The following MACF1 variants were observed in gnomAD, a reference collection of about 807,000 sequenced individuals.
MACF1 encodes microtubule-actin cross-linking factor 1.
MACF1 carries 193 observed loss-of-function variants against 854.8 expected under a neutral mutation model. That is an observed-to-expected ratio of 0.23 (90% CI 0.20 to 0.25). MACF1 has a LOEUF of 0.25. MACF1 is among the 10% of genes least tolerant of loss of function. MACF1 has a pLI of 1.00. For missense variants in MACF1, 7,722 were observed against 8,929.1 expected (o/e 0.86, Z 5.45); for synonymous variants, 3,185 against 3,226.7 (o/e 0.99, Z 0.44).
intron 80 of MACF1, among the ~76,000 whole-genome samples, chr1:39,446,998 A>G (rs968481975): frequency 2.6e-5 from 4 of 152,232 alleles, no homozygotes; most frequent in African/African-American, 9.6e-5. Flanking sequence ...TACATTGAAC[A>G]TCATCTTCAT....
intron 58 of MACF1, among the ~76,000 whole-genome samples, chr1:39,414,992 C>T (rs572414527): frequency 6.0e-4 from 91 of 152,182 alleles, no homozygotes; most frequent in Non-Finnish European, 1.8e-4. Context: ...AAATGAGATA[C>T]ATTTAAGGTA....
chr1:39,164,638 A>G (rs79263266), intron 2 of MACF1, among the ~76,000 whole-genome samples: 2,795 of 152,348 alleles, frequency 0.018, 28 homozygotes, highest in Middle Eastern at 0.051. Context: ...TAAGGGACCC[A>G]TTAATGTTGA....
Position 39,372,616 on chromosome 1 carries a change from A to G in MACF1, c.13213+20A>G. 3 of 1,494,578 alleles carry G rather than the reference A, an allele frequency of 2.0e-6. No individual in the cohort carries two copies. Among genetic ancestry groups the G allele is most frequent in the Non-Finnish European group, 1.9e-6 (2 of 1,073,744 alleles). The allele number at this position is 1,494,578 out of a possible 1,614,324, so 92.6% of individuals were successfully genotyped here. A position where few individuals can be genotyped will look rare whatever the true frequency, so the allele number is the denominator to read the frequency against. ...AGACAGGTGAGTACAGGCTCTTCAA[A>G]ATATAGTGAATAAAAATTGCTCTTT... On this transcript the variant is annotated intron_variant, in intron 52 of 100. Transcript: ENST00000564288.
intron 69 of MACF1, 42 bp downstream of exon 69, chr1:39,434,674 T>C: frequency 3.9e-6 from 6 of 1,554,422 alleles, no homozygotes; most frequent in Non-Finnish European, 5.3e-6. Flanking sequence ...TCTAAAATGG[T>C]CTCTATAATT....
intron 6 of MACF1, among the ~76,000 whole-genome samples, chr1:39,280,714 A>AC (rs1481726781): frequency 6.6e-6 from 1 of 152,118 alleles, no homozygotes; most frequent in Non-Finnish European, 1.5e-5. Flanking sequence ...AGTAGCTAGG[A>AC]CTACAGGTGC....
At chr1:39,364,287 T>C (rs752679888) in intron 49 of MACF1, among the ~76,000 whole-genome samples, 2 of 152,130 alleles carry the variant, frequency 1.3e-5, no homozygotes, top group African/African-American at 2.4e-5. Flanking sequence ...TATTTTTACA[T>C]TTAAGAGTCA....
At chr1:39,163,340 CAAAAAA>C (rs11371076) in intron 2 of MACF1, among the ~76,000 whole-genome samples, 5 of 80,356 alleles carry the variant, frequency 6.2e-5, no homozygotes, top group African/African-American at 1.7e-4. Context: ...AAGACTGTCT[CAAAAAA>C]AAAAAAAAAA....
intron 55 of MACF1, among the ~76,000 whole-genome samples, chr1:39,380,877 A>T (rs935740308): frequency 1.8e-4 from 27 of 152,052 alleles, no homozygotes; most frequent in Non-Finnish European, 1.5e-5. Flanking sequence ...GTGCCACTGA[A>T]CTCCAACCTG....
rs927143092 is a variant in MACF1 at position 39,339,511 on chromosome 1, C to T, written c.10216-991C>T. 9.9e-5 allele frequency among the ~76,000 whole-genome samples: 15 copies of T among 152,054 alleles called. No individual in the cohort carries two copies. The East Asian group carries it at 1.5e-3, about 16-fold the overall frequency. ...ACTTTGAACAGTTTCAGTGGAGTGA[C>T]GGGATATAAACTAACTTGCAGCTGG... On this transcript the variant is annotated intron_variant, in intron 38 of 100. Transcript: ENST00000564288.
intron 41 of MACF1, among the ~76,000 whole-genome samples, chr1:39,348,227 A>T (rs555992383): frequency 9.2e-5 from 14 of 152,310 alleles, no homozygotes; most frequent in African/African-American, 3.4e-4. Context: ...AAAACTGAGC[A>T]TGTGCAATGC....
At chr1:39,324,379 A>G in intron 34 of MACF1, 34 bp downstream of exon 34, 3 of 1,608,062 alleles carry the variant, frequency 1.9e-6, no homozygotes, top group Non-Finnish European at 2.5e-6. Context: ...TTACCTGGGT[A>G]GAATAATATG....
chr1:39,399,473 C>G (rs2148590050), intron 58 of MACF1, among the ~76,000 whole-genome samples: 1 of 142,380 alleles, frequency 7.0e-6, no homozygotes, highest in South Asian at 2.2e-4. Context: ...CTCCCAGGTT[C>G]AAGCGATTCT....
In MACF1 at chr1:39,332,040, A is replaced by G. The variant is rs568577901; in HGVS notation, c.5452A>G (p.Thr1818Ala). The G allele has an allele frequency of 6.2e-6, 10 of 1,614,054 alleles. 1 individual carries two copies. Among genetic ancestry groups the G allele is most frequent in the South Asian group, 2.2e-5 (2 of 91,068 alleles). ...LQTGGIIDTV[T>A]GQRLTIDEAV... is the part of the protein sequence containing the mutation. ...GACAGGAGGCATCATAGACACTGTC[A>G]CGGGGCAAAGGCTAACAATAGATGA... Residue 1818 changes from threonine (T) to alanine (A), a missense_variant, in exon 37 of 101, where the codon ACG (threonine) becomes GCG (alanine). Coordinates refer to ENST00000564288, the MANE Select transcript of MACF1 (RefSeq NM_001394062.1).
chr1:39,413,908 T>A (rs1332441009), intron 58 of MACF1: 1 of 1,596,598 alleles, frequency 6.3e-7, no homozygotes, highest in South Asian at 1.1e-5. Flanking sequence ...CCTAGAGGAA[T>A]TCACTTCCCC....
rs200958818 is a variant in MACF1, at chr1:39,335,991, T to C, written c.9403T>C (p.Ser3135Pro). 36 of 1,614,014 alleles carry C rather than the reference T, an allele frequency of 2.2e-5. No individual in the cohort carries two copies. The African/African-American group carries it at 4.1e-4, about 19-fold the overall frequency. Residue 3135 changes from serine to proline, a missense_variant, in exon 37 of 101, where the codon TCT (serine) becomes CCT (proline). Around this residue, in one of 15 missense-constraint regions of MACF1, gnomAD observed 854 missense variants for 852.6 expected, o/e 1.00. Coordinates refer to ENST00000564288, the MANE Select transcript of MACF1 (RefSeq NM_001394062.1). ...ATCCCAAATTTCCAAAACAGACAAG[T>C]CTTTCCAAGGAACCACCAGACAGGA... Reference protein sequence around the residue: ...GPSQISKTDKSFQGTTRQETN... With the variant: ...GPSQISKTDKPFQGTTRQETN...
chr1:39,408,571 C>T (rs972969351), intron 58 of MACF1, among the ~76,000 whole-genome samples: 18 of 151,424 alleles, frequency 1.2e-4, no homozygotes, highest in African/African-American at 4.4e-4. Context: ...GCTGGGGGAG[C>T]GCGGGCGCCC....
At chr1:39,197,170 T>G (rs1390378680) in intron 2 of MACF1, among the ~76,000 whole-genome samples, 2 of 152,090 alleles carry the variant, frequency 1.3e-5, no homozygotes, top group East Asian at 3.8e-4. Flanking sequence ...AATTATTTTA[T>G]TTTCATGAAA....
In MACF1 at chr1:39,302,979, A is replaced by C. The variant is rs537746947; in HGVS notation, c.2690A>C (p.Lys897Thr). ...CTAGAAGATAATTCTCAGCGGACCA[A>C]ATGGAAAGTGATCAGCCCCACAGGG... Reference protein sequence around the residue: ...CVLEDNSQRTKWKVISPTGNE... With the variant: ...CVLEDNSQRTTWKVISPTGNE... The change falls in exon 23 of 101, where the codon AAA (lysine) becomes ACA (threonine). Residue 897 changes from lysine (K) to threonine (T), a missense_variant. Physicochemically the swap from Lys to Thr is moderately conservative, Grantham distance 78 (BLOSUM62 -1). Coordinates refer to ENST00000564288, the MANE Select transcript of MACF1 (RefSeq NM_001394062.1). The C allele has an allele frequency of 1.9e-6, 3 of 1,614,076 alleles. No individual in the cohort carries two copies. Among genetic ancestry groups the C allele is most frequent in the Non-Finnish European group, 2.5e-6 (3 of 1,180,026 alleles).
At chr1:39,410,783 C>A (rs371219849) in intron 58 of MACF1, 2 of 1,613,884 alleles carry the variant, frequency 1.2e-6, no homozygotes, top group African/African-American at 2.7e-5. Flanking sequence ...GAGTCCAGTT[C>A]TGCATTAACA....
Sources: gnomAD v4.1 joint callset for allele counts (sites outside exome capture counted in the v4.1 genomes callset) on GRCh38, gnomAD v4.1.1 for gene constraint, gnomAD v4.1.1 regional missense constraint, MANE v1.5 for transcripts, NCBI Gene and HGNC (gene_info 2026-07-23, HGNC 2026-07-21) for gene names.